VPS37B: variants seen among roughly 807,000 people sequenced by gnomAD.
VPS37B encodes the protein VPS37B subunit of ESCRT-I.
VPS37B carries 11 observed loss-of-function variants against 21.2 expected under a neutral mutation model. The ratio of observed to expected loss-of-function variants is 0.52; its 90% CI spans 0.33 to 0.86. VPS37B has a LOEUF of 0.86. Ranked by LOEUF, VPS37B falls within the 40% of genes least tolerant of loss-of-function variation. The probability of loss-of-function intolerance (pLI) is 0.03; values close to 1 mark genes in which losing one functional copy is unlikely to be tolerated. For missense variants in VPS37B, 389 were observed against 374.8 expected, an observed-to-expected ratio of 1.04 and a Z score of -0.31; for synonymous variants, 175 against 159.6, an observed-to-expected ratio of 1.10 and a Z score of -0.73.
At chr12:122,888,362 T>C (rs941926056) in intron 1 of VPS37B, 38 of 342,904 alleles carry the variant, frequency 1.1e-4, no homozygotes, top group Middle Eastern at 1.2e-3. Context: ...TTTTGTATCA[T>C]TGGGTAAGAC....
intron 1 of VPS37B, chr12:122,871,718 C>T: frequency 1.0e-6 from 1 of 984,080 alleles, no homozygotes; most frequent in Middle Eastern, 5.2e-4. Context: ...TCATTTTGTC[C>T]TTTAAAGCAA....
At chr12:122,886,625 T>C (rs980688573) in intron 1 of VPS37B, 1 of 152,270 alleles carries the variant, frequency 6.6e-6, no homozygotes, top group Non-Finnish European at 1.5e-5. Context: ...AATTCCCAAA[T>C]TGATTTACCA....
chr12:122,887,170 C>T (rs1266109378), intron 1 of VPS37B: 1 of 152,106 alleles, frequency 6.6e-6, no homozygotes, highest in Non-Finnish European at 1.5e-5. Context: ...TCTCGGCTGC[C>T]CAACGATCAT....
At chr12:122,893,152 T>G (rs1179772925) in intron 1 of VPS37B, among the ~76,000 whole-genome samples, 1 of 152,240 alleles carries the variant, frequency 6.6e-6, no homozygotes, top group Non-Finnish European at 1.5e-5. Context: ...CTAGTAACTT[T>G]CAGGATGATC....
chr12:122,892,776 G>T (rs1302172582), intron 1 of VPS37B, among the ~76,000 whole-genome samples: 1 of 152,150 alleles, frequency 6.6e-6, no homozygotes, highest in Non-Finnish European at 1.5e-5. Context: ...ATTAGCCGGT[G>T]GCAGCGGGGT....
chr12:122,884,402 T>C (rs998502766), intron 1 of VPS37B: 5 of 152,232 alleles, frequency 3.3e-5, no homozygotes, highest in Non-Finnish European at 5.9e-5. Context: ...TCAATTTATA[T>C]CTATGCTTTC....
chr12:122,888,538 G>C (rs555895127), intron 1 of VPS37B: 1 of 455,946 alleles, frequency 2.2e-6, no homozygotes, highest in African/African-American at 2.0e-5. Flanking sequence ...AATCTCCATA[G>C]CAACATTCTG....
chr12:122,892,129 A>C (rs1188739765), intron 1 of VPS37B, among the ~76,000 whole-genome samples: 2 of 152,254 alleles, frequency 1.3e-5, no homozygotes, highest in Non-Finnish European at 2.9e-5. Context: ...ACTGCCATGT[A>C]AAAATAACTT....
At chr12:122,884,984 C>G (rs1260309219) in intron 1 of VPS37B, 1 of 152,150 alleles carries the variant, frequency 6.6e-6, no homozygotes, top group East Asian at 1.9e-4. Flanking sequence ...CATGAACTTT[C>G]CAACACCTGA....
chr12:122,867,591 A>G lies in VPS37B; in HGVS notation c.383T>C (p.Phe128Ser). Residue 128 changes from phenylalanine (F) to serine (S), a missense_variant, in exon 4 of 4, where the codon TTT becomes TCT. Phe to Ser is a radical substitution (Grantham distance 155, BLOSUM62 -2). Transcript: ENST00000267202. This position sits in a 1 kb window ranked among gnomAD's most constrained non-coding sequence, Gnocchi z 5.5. ...EEDTENMAEK[F>S]LDGELPLDSF... is the part of the protein sequence containing the mutation. ...ATCCAGAGGAAGTTCTCCATCCAGA[A>G]ACTTCTCTGCCATGTTCTGAAAGAG... 6.2e-7 allele frequency: 1 copy of G among 1,613,292 alleles called. No individual in the cohort carries two copies. Among genetic ancestry groups the G allele is most frequent in the Non-Finnish European group, 8.5e-7 (1 of 1,180,004 alleles).
intron 2 of VPS37B, among the ~76,000 whole-genome samples, chr12:122,869,351 T>C (rs894563827): frequency 2.6e-5 from 4 of 152,228 alleles, no homozygotes; most frequent in Non-Finnish European, 5.9e-5. Context: ...TAGCAGGTGC[T>C]ACCCAACAGC....
At chr12:122,872,667 G>A in intron 1 of VPS37B, 4 of 985,282 alleles carry the variant, frequency 4.1e-6, no homozygotes, top group Non-Finnish European at 4.8e-6. Context: ...CCATTGTTAA[G>A]TCATTTAAAA....
In VPS37B at chr12:122,866,982, T is replaced by C. The variant is rs2033912681; in HGVS notation, c.*134A>G. 5.0e-6 allele frequency: 6 copies of C among 1,203,564 alleles called. No individual in the cohort carries two copies. Among genetic ancestry groups the C allele is most frequent in the Non-Finnish European group, 6.6e-6 (6 of 907,388 alleles). The allele number at this position is 1,203,564 out of a possible 1,614,324, so 74.6% of individuals were successfully genotyped here. A position where few individuals can be genotyped will look rare whatever the true frequency, so the allele number is the denominator to read the frequency against. The stretch of plus-strand genomic sequence containing the variant: ...CCTACTACTCACCACTGACCTACAG[T>C]TCTAAAATCAGACAGACACGCTGGC... On this transcript the variant is annotated 3_prime_UTR_variant, in exon 4 of 4. Coordinates refer to ENST00000267202, the MANE Select transcript of VPS37B (RefSeq NM_024667.3).
rs762065622 is a variant in VPS37B, at chr12:122,896,101, C to T, written c.-39G>A. ...CCGTCGTCGCCACCGCCGCTGCGGC[C>T]ACCAGGCTCCGCCGACCGGAAGCGC... On this transcript the variant is annotated 5_prime_UTR_variant, in exon 1 of 4. Coordinates refer to ENST00000267202, the MANE Select transcript of VPS37B (RefSeq NM_024667.3). 53 of 1,515,584 alleles carry T rather than the reference C, an allele frequency of 3.5e-5. No homozygotes were observed. The East Asian group carries it at 4.9e-4, about 14-fold the overall frequency. 93.9% of individuals were successfully genotyped at this position (1,515,584 alleles called of 1,614,324 possible). A position where few individuals can be genotyped will look rare whatever the true frequency, so the allele number is the denominator to read the frequency against.
In VPS37B at chr12:122,867,811, G is replaced by C. The variant is rs7314233; in HGVS notation, c.367-204C>G. ...TGAGCTGCCACTAGGTGGAGAGGACGACAGCCCTGCTGCGCACCCCACCAC... is the reference window on the plus strand; with the variant it reads ...TGAGCTGCCACTAGGTGGAGAGGACCACAGCCCTGCTGCGCACCCCACCAC... On this transcript the variant is annotated intron_variant, in intron 3 of 3. Transcript: ENST00000267202. This position sits in a 1 kb window ranked among gnomAD's most constrained non-coding sequence, Gnocchi z 5.5. Among the ~76,000 whole-genome samples, 1 of 152,270 alleles carries C rather than the reference G, an allele frequency of 6.6e-6. No individual in the cohort carries two copies.
chr12:122,889,900 T>G (rs1003166041), intron 1 of VPS37B: 5 of 152,258 alleles, frequency 3.3e-5, no homozygotes, highest in African/African-American at 4.8e-5. Context: ...CTGGCCAAAG[T>G]AGACGAGAAC....
At chr12:122,894,614 G>C (rs1229363914) in intron 1 of VPS37B, among the ~76,000 whole-genome samples, 1 of 152,236 alleles carries the variant, frequency 6.6e-6, no homozygotes, top group African/African-American at 2.4e-5. Flanking sequence ...GGAGTGGTAG[G>C]TGGGCCAGGA....
chr12:122,895,913 A>G (rs746801082), intron 1 of VPS37B, 39 bp downstream of exon 1: 5 of 1,585,528 alleles, frequency 3.2e-6, no homozygotes. Flanking sequence ...ACCCCGCTCG[A>G]GGCCTCACAG....
chr12:122,883,039 G>A (rs2034269485), intron 1 of VPS37B: 1 of 152,194 alleles, frequency 6.6e-6, no homozygotes, highest in African/African-American at 2.4e-5. Flanking sequence ...TTATGAAACA[G>A]TCCTAAAATA....
Sources: gnomAD v4.1 joint callset for allele counts (sites outside exome capture counted in the v4.1 genomes callset) on GRCh38, gnomAD v4.1.1 for gene constraint, Gnocchi (gnomAD v3.1) non-coding constraint, MANE v1.5 for transcripts, NCBI Gene and HGNC (gene_info 2026-07-23, HGNC 2026-07-21) for gene names.